SLC18A2: variants seen among roughly 807,000 people sequenced by gnomAD.
SLC18A2 encodes synaptic vesicular amine transporter.
SLC18A2 carries 33 observed loss-of-function variants against 59.2 expected under a neutral mutation model. That is an observed-to-expected ratio of 0.56 (90% CI 0.42 to 0.75). The LOEUF is 0.75. Among genes scored for constraint, SLC18A2 ranks in the 30% least tolerant of loss-of-function variants. The pLI, the probability that SLC18A2 is intolerant of heterozygous loss-of-function variation, is 0.00. For synonymous variants in SLC18A2, 228 were observed against 253.5 expected, an observed-to-expected ratio of 0.90 and a Z score of 0.95; for missense variants, 569 against 668.6, an observed-to-expected ratio of 0.85 and a Z score of 1.64.
chr10:117,262,570 G>C (rs536590541), intron 10 of SLC18A2, among the ~76,000 whole-genome samples: 1 of 152,018 alleles, frequency 6.6e-6, no homozygotes, highest in Non-Finnish European at 1.5e-5. Context: ...TGGATCTCTC[G>C]GTGTTTTCAG....
At chr10:117,274,867 T>C (rs148194753) in intron 15 of SLC18A2, among the ~76,000 whole-genome samples, 44 of 152,240 alleles carry the variant, frequency 2.9e-4, no homozygotes, top group Non-Finnish European at 5.9e-4. Flanking sequence ...TTAAAGGCAC[T>C]GAGATGCAAC....
intron 9 of SLC18A2, among the ~76,000 whole-genome samples, chr10:117,256,056 G>T (rs1310403268): frequency 6.6e-6 from 1 of 152,110 alleles, no homozygotes; most frequent in Non-Finnish European, 1.5e-5. Flanking sequence ...TGGGCAGTCT[G>T]ACTCACCTTG....
chr10:117,276,125 C>A (rs199977517), intron 15 of SLC18A2, among the ~76,000 whole-genome samples: 252 of 137,276 alleles, frequency 1.8e-3, no homozygotes, highest in Admixed American at 2.7e-3. Flanking sequence ...GTCATCTCTA[C>A]AAAAAAAAAA....
intron 4 of SLC18A2, among the ~76,000 whole-genome samples, 195 bp downstream of exon 4, chr10:117,253,652 C>A (rs752828033): frequency 6.6e-6 from 1 of 151,972 alleles, no homozygotes; most frequent in South Asian, 2.1e-4. Context: ...CCGAGACCAA[C>A]CTGGCCAACA....
rs776150886 is a variant in SLC18A2, at chr10:117,277,388, G to A, written c.*122G>A. The A allele has an allele frequency of 1.7e-5, 9 of 537,022 alleles. No individual in the cohort carries two copies. Among genetic ancestry groups the A allele is most frequent in the Non-Finnish European group, 2.9e-5 (9 of 315,470 alleles). The allele number at this position is 537,022 out of a possible 1,614,324, so 33.3% of individuals were successfully genotyped here. A position where few individuals can be genotyped will look rare whatever the true frequency, so the allele number is the denominator to read the frequency against. On this transcript the variant is annotated 3_prime_UTR_variant, in exon 16 of 16. Transcript: ENST00000644641. ...CCCTGGTGAAAGAGTAAAACCAAAG[G>A]TTATTATTTCCTTTCCATGGTTATG...
chr10:117,255,831 A>G (rs946888165), intron 9 of SLC18A2, among the ~76,000 whole-genome samples, 174 bp downstream of exon 9: 1 of 152,184 alleles, frequency 6.6e-6, no homozygotes, highest in Non-Finnish European at 1.5e-5. Context: ...TTCTTCCGCC[A>G]TTGCTTTCTG....
intron 14 of SLC18A2, 49 bp downstream of exon 14, chr10:117,270,239 G>C (rs775064772): frequency 6.2e-7 from 1 of 1,613,356 alleles, no homozygotes. Context: ...ATACGTAATG[G>C]ATAACGTCTA....
At chr10:117,266,949 T>C in intron 11 of SLC18A2, 35 bp from the exon 12 acceptor site, 1 of 1,604,362 alleles carries the variant, frequency 6.2e-7, no homozygotes, top group East Asian at 2.2e-5. Context: ...AAAAATCAAA[T>C]GATCATTTCT....
chr10:117,270,399 T>C lies in SLC18A2; in HGVS notation c.1376T>C (p.Ile459Thr), dbSNP rs568523923. Residue 459 changes from isoleucine (I) to threonine (T), a missense_variant, in exon 15 of 16, where the codon ATT (isoleucine) becomes ACT (threonine). Ile to Thr is a moderately conservative substitution (Grantham distance 89). Coordinates refer to ENST00000644641, the MANE Select transcript of SLC18A2 (RefSeq NM_003054.6). The part of the protein sequence containing the change: ...FPWLMTIIGI[I>T]DILFAPLCFF... ...TGGCTCATGACAATTATTGGGATAA[T>C]TGATATTCTTTTTGCCCCTCTCTGC... The C allele has an allele frequency of 2.5e-5, 41 of 1,614,128 alleles. No homozygotes were observed. In the South Asian group the frequency reaches 2.9e-4, roughly 11 times the overall value.
rs1157675635 is a variant in SLC18A2, at chr10:117,278,209, G to A, written c.*943G>A. Reference sequence around the variant, plus strand: ...TGACTATATCTTTGATCTGTTTGCAGGTCATCCAAGTGTTTTCTAGGAATA... The same window carrying A: ...TGACTATATCTTTGATCTGTTTGCAAGTCATCCAAGTGTTTTCTAGGAATA... On this transcript the variant is annotated 3_prime_UTR_variant, in exon 16 of 16. Transcript: ENST00000644641. The A allele has an allele frequency of 6.6e-6, 1 of 152,122 alleles. No homozygotes were observed. The highest frequency in any genetic ancestry group is 1.5e-5 in the Non-Finnish European group (1 of 68,010). 9.4% of individuals were successfully genotyped at this position (152,122 alleles called of 1,614,324 possible).
At chr10:117,252,989 A>G (rs1000300082) in intron 3 of SLC18A2, among the ~76,000 whole-genome samples, 1 of 152,224 alleles carries the variant, frequency 6.6e-6, no homozygotes, top group African/African-American at 2.4e-5. Flanking sequence ...TCTTAGACAT[A>G]CTGCAGTCTG....
intron 15 of SLC18A2, among the ~76,000 whole-genome samples, chr10:117,274,756 C>T (rs1052753782): frequency 3.3e-5 from 5 of 152,186 alleles, no homozygotes; most frequent in Admixed American, 1.3e-4. Context: ...TATAGGATAG[C>T]GTTCCCTGGG....
At chr10:117,241,544 C>G (rs1359450051) in intron 1 of SLC18A2, 135 bp from the exon 2 acceptor site, 22 of 985,102 alleles carry the variant, frequency 2.2e-5, no homozygotes, top group Non-Finnish European at 3.0e-5. Context: ...GCAGGTGAGC[C>G]GAGGCTGGGG....
At chr10:117,244,893 C>T (rs1053488577) in intron 3 of SLC18A2, among the ~76,000 whole-genome samples, 1 of 152,228 alleles carries the variant, frequency 6.6e-6, no homozygotes, top group Non-Finnish European at 1.5e-5. Flanking sequence ...GTAGCCACGT[C>T]CACGTGCATG....
chr10:117,254,616 T>A lies in SLC18A2; in HGVS notation c.700+119T>A, dbSNP rs3026057. The A allele has an allele frequency of 0.046, 24,565 of 528,412 alleles. 1,407 individuals are homozygous for A. Among genetic ancestry groups the A allele is most frequent in the East Asian group, 0.16 (4,822 of 30,842 alleles). The allele number at this position is 528,412 out of a possible 1,614,324, so 32.7% of individuals were successfully genotyped here. A position where few individuals can be genotyped will look rare whatever the true frequency, so the allele number is the denominator to read the frequency against. Reference sequence around the variant, plus strand: ...CACTGACACAGAGGTCCCCTTTTTATTTTTTTCCTTTCCTGCTTTCATGGA... The same window carrying A: ...CACTGACACAGAGGTCCCCTTTTTAATTTTTTCCTTTCCTGCTTTCATGGA... On this transcript the variant is annotated intron_variant, in intron 6 of 15. Coordinates refer to ENST00000644641, the MANE Select transcript of SLC18A2 (RefSeq NM_003054.6).
intron 10 of SLC18A2, among the ~76,000 whole-genome samples, chr10:117,265,948 G>A (rs1476094532): frequency 1.3e-5 from 2 of 152,086 alleles, no homozygotes; most frequent in African/African-American, 4.8e-5. Context: ...AAATTAACTA[G>A]GCGTGGTGGC....
chr10:117,273,945 T>A (rs3523), intron 15 of SLC18A2, among the ~76,000 whole-genome samples: 116,818 of 152,064 alleles, frequency 0.77, 45,537 homozygotes, highest in Non-Finnish European at 0.85. Context: ...TGAATTCAAA[T>A]GCCAATCCTC....
At chr10:117,241,982 A>G in intron 2 of SLC18A2, 168 bp downstream of exon 2, 1 of 598,548 alleles carries the variant, frequency 1.7e-6, no homozygotes, top group Non-Finnish European at 2.7e-6. Flanking sequence ...CGGGGCTAGG[A>G]GGAGCCGCGT....
At chr10:117,261,224 A>AC (rs56933086) in intron 10 of SLC18A2, among the ~76,000 whole-genome samples, 75,989 of 151,200 alleles carry the variant, frequency 0.5, 19,508 homozygotes, top group Non-Finnish European at 0.56. Flanking sequence ...ACAAAACAAA[A>AC]AACCCAAAAA....
Sources: allele counts gnomAD v4.1 joint callset (sites outside exome capture counted in the v4.1 genomes callset), GRCh38; gene constraint gnomAD v4.1.1; transcripts MANE v1.5; gene names NCBI Gene and HGNC (gene_info 2026-07-23, HGNC 2026-07-21).